The following XAB2 variants were observed in gnomAD, a reference collection of about 807,000 sequenced individuals.
XAB2 encodes the protein XPA binding protein 2.
XAB2 carries 57 observed loss-of-function variants against 113.4 expected under a neutral mutation model. That is an observed-to-expected ratio of 0.50 (90% confidence interval 0.41 to 0.63). The LOEUF (loss-of-function observed/expected upper bound fraction) is 0.63. Ranked by LOEUF, XAB2 falls within the 20% of genes least tolerant of loss-of-function variation. The pLI, the probability that XAB2 is intolerant of heterozygous loss-of-function variation, is 0.00. For synonymous variants in XAB2, 497 were observed against 498.8 expected, an observed-to-expected ratio of 1.00 and a Z score of 0.05; for missense variants, 1,037 against 1,233.3, an observed-to-expected ratio of 0.84 and a Z score of 2.38.
At position 7,628,170 on chromosome 19, in the gene XAB2, T is replaced by A; in HGVS notation, c.180A>T (p.Ala60=). Residue 60 remains alanine, a synonymous_variant, in exon 2 of 19, where the codon GCA becomes GCT. Transcript: ENST00000358368. This position sits in a 1 kb window ranked among gnomAD's most constrained non-coding sequence, Gnocchi z 4.6. ...KPRLNQLYER[A]LKLLPCSYKL... The stretch of plus-strand genomic sequence containing the variant: ...CCCACCTGCAGGGCAGCAGCTTGAG[T>A]GCCCGCTCGTATAGCTGATTGAGCC... 6.2e-7 allele frequency: 1 copy of A among 1,613,522 alleles called. No individual in the cohort carries two copies. Among genetic ancestry groups the A allele is most frequent in the South Asian group, 1.1e-5 (1 of 91,014 alleles).
rs2031189053 is a variant in XAB2 at position 7,628,432 on chromosome 19, CACCAGATGCCCAGGCACCAA to C, written c.52-154_52-135del. 2.8e-6 allele frequency: 3 copies of C among 1,080,724 alleles called. No individual in the cohort carries two copies. The highest frequency in any genetic ancestry group is 1.6e-5 in the African/African-American group (1 of 63,478). 66.9% of individuals were successfully genotyped at this position (1,080,724 alleles called of 1,614,324 possible). A position where few individuals can be genotyped will look rare whatever the true frequency, so the allele number is the denominator to read the frequency against. On this transcript the variant is annotated intron_variant, in intron 1 of 18. Transcript: ENST00000358368. The surrounding 1 kb of genome is among the most constrained non-coding windows in gnomAD (Gnocchi z 4.6). ...CCACCACCCACCAAGGAAGTCAGGT[CACCAGATGCCCAGGCACCAA>C]ACCAGATGCCCGACACCAAGACAGT...
chr19:7,624,501 C>T lies in XAB2; in HGVS notation c.823-56G>A. ...GGAAAGTGGCGCAGGGGACAGGCAG[C>T]AGCACTCTTAGCACCAGCCTCAATG... On this transcript the variant is annotated intron_variant, in intron 6 of 18. Transcript: ENST00000358368. The surrounding 1 kb of genome is among the most constrained non-coding windows in gnomAD (Gnocchi z 4.2). 1.2e-6 allele frequency: 2 copies of T among 1,610,050 alleles called. No individual in the cohort carries two copies. The highest frequency in any genetic ancestry group is 1.3e-5 in the African/African-American group (1 of 75,030).
At chr19:7,626,385 AG>A in intron 4 of XAB2, 115 bp from the exon 5 acceptor site, 1 of 1,460,746 alleles carries the variant, frequency 6.8e-7, no homozygotes, top group South Asian at 1.3e-5. Context: ...CTTGGGCAAA[AG>A]CAAGCCCTGT....
rs2031199255 is a variant in XAB2 at position 7,628,915 on chromosome 19, A to G, written c.51+562T>C. Among the ~76,000 whole-genome samples the G allele has an allele frequency of 6.6e-6, 1 of 152,230 alleles. No homozygotes were observed. Among genetic ancestry groups the G allele is most frequent in the South Asian group, 2.1e-4 (1 of 4,828 alleles). On this transcript the variant is annotated intron_variant, in intron 1 of 18. Coordinates refer to ENST00000358368, the MANE Select transcript of XAB2 (RefSeq NM_020196.3). The surrounding 1 kb of genome is among the most constrained non-coding windows in gnomAD (Gnocchi z 4.6). ...AGGAGGAGTTATACACCAGAAGCCA[A>G]GCCTTTAACTCTGCACACCAAGAAT...
chr19:7,619,966 C>A lies in XAB2; in HGVS notation c.2376G>T (p.Gln792His). The A allele has an allele frequency of 1.2e-6, 2 of 1,611,854 alleles. No homozygotes were observed. Among genetic ancestry groups the A allele is most frequent in the East Asian group, 2.2e-5 (1 of 44,886 alleles). Reference sequence around the variant, plus strand: ...CTCACCTCACGAACAGGATCTTGCTCTGGGCGCGCAAGGGCTGGTCACGCT... The same window carrying A: ...CTCACCTCACGAACAGGATCTTGCTATGGGCGCGCAAGGGCTGGTCACGCT... ...EAERDQPLRA[Q>H]SKILFVRSDA... Residue 792 changes from glutamine to histidine, a missense_variant, in exon 17 of 19, where the codon CAG becomes CAT. Gln to His is a conservative substitution (Grantham distance 24). Transcript: ENST00000358368.
chr19:7,626,340 C>T lies in XAB2; in HGVS notation c.523-70G>A, dbSNP rs1349550461. On this transcript the variant is annotated intron_variant, in intron 4 of 18. Transcript: ENST00000358368. ...CTACGCCCACCTCCCGATTCAGTGG[C>T]TTCGGGGCGTCCCCCCCCACCCATT... The T allele has an allele frequency of 2.7e-5, 43 of 1,566,184 alleles. 1 individual carries two copies. In the Admixed American group the frequency reaches 7.4e-4, roughly 27 times the overall value.
chr19:7,619,564 GGGGGGAT>G lies in XAB2; in HGVS notation c.*15_*21del, dbSNP rs143149642. On this transcript the variant is annotated 3_prime_UTR_variant, in exon 19 of 19. Transcript: ENST00000358368. The stretch of plus-strand genomic sequence containing the variant: ...AGCTGTATTGGGGAGGGGGTGGGGA[GGGGGGAT>G]GGGGGAGGGACGGGTCAGTCTTCCT... 325,198 of 1,513,986 alleles carry G rather than the reference GGGGGGAT, an allele frequency of 0.21. 36,257 individuals carry two copies. Among genetic ancestry groups the G allele is most frequent in the South Asian group, 0.26 (20,094 of 78,628 alleles). 93.8% of individuals were successfully genotyped at this position (1,513,986 alleles called of 1,614,324 possible).
Position 7,627,064 on chromosome 19 carries a change from G to T in XAB2, c.522+179C>A, listed in dbSNP as rs1232415842. Among the ~76,000 whole-genome samples the T allele has an allele frequency of 1.3e-5, 2 of 152,212 alleles. No homozygotes were observed. Among genetic ancestry groups the T allele is most frequent in the Non-Finnish European group, 2.9e-5 (2 of 68,046 alleles). ...CATCGCTATGCCTAATGTGAAACCA[G>T]TGTGAACAAACTATTTGGAAAATAA... On this transcript the variant is annotated intron_variant, in intron 4 of 18. Coordinates refer to ENST00000358368, the MANE Select transcript of XAB2 (RefSeq NM_020196.3). The surrounding 1 kb of genome is among the most constrained non-coding windows in gnomAD (Gnocchi z 4.5).
chr19:7,621,094 A>AACCCCCCCCCCC, intron 13 of XAB2, 41 bp downstream of exon 13: 7 of 1,494,456 alleles, frequency 4.7e-6, no homozygotes, highest in Middle Eastern at 2.3e-4. Flanking sequence ...TCAGAAACCC[A>AACCCCCCCCCCC]GCCCGCCCGC....
At chr19:7,622,301 G>A in intron 12 of XAB2, 30 bp downstream of exon 12, 1 of 1,610,316 alleles carries the variant, frequency 6.2e-7, no homozygotes, top group South Asian at 1.1e-5. Flanking sequence ...ACTGCCATCA[G>A]GGGCCTCTGG....
chr19:7,627,678 C>A lies in XAB2; in HGVS notation c.324+50G>T, dbSNP rs780306112. 3 of 1,607,572 alleles carry A rather than the reference C, an allele frequency of 1.9e-6. No homozygotes were observed. Among genetic ancestry groups the A allele is most frequent in the Admixed American group, 1.7e-5 (1 of 59,886 alleles). On this transcript the variant is annotated intron_variant, in intron 3 of 18. Transcript: ENST00000358368. This position sits in a 1 kb window ranked among gnomAD's most constrained non-coding sequence, Gnocchi z 4.5. ...GCCCCTGTCCCCGCCCCACCCACCACCATGGACTGAGCTCCACTTCCCGAT... is the reference window on the plus strand; with the variant it reads ...GCCCCTGTCCCCGCCCCACCCACCAACATGGACTGAGCTCCACTTCCCGAT...
In XAB2 at chr19:7,626,262, A is replaced by G; in HGVS notation, c.531T>C (p.Pro177=). 6.2e-7 allele frequency: 1 copy of G among 1,611,008 alleles called. No individual in the cohort carries two copies. The highest frequency in any genetic ancestry group is 8.5e-7 in the Non-Finnish European group (1 of 1,179,324). The change falls in exon 5 of 19, where the codon CCT becomes CCC. Residue 177 remains proline (P), a synonymous_variant. Transcript: ENST00000358368. ...RGYRRFLKLS[P]ESAEEYIEYL... is the part of the protein sequence containing the mutation. ...ACTCAATGTACTCCTCTGCACTCTCAGGACTCAGCTGGGGACCGAGCCACC... is the reference window on the plus strand; with the variant it reads ...ACTCAATGTACTCCTCTGCACTCTCGGGACTCAGCTGGGGACCGAGCCACC...
At chr19:7,621,847 A>G (rs1021794364) in intron 12 of XAB2, 4 of 189,934 alleles carry the variant, frequency 2.1e-5, no homozygotes, top group Non-Finnish European at 4.4e-5. Flanking sequence ...CACCCTCCCC[A>G]TGAGTCATGG....
chr19:7,623,862 G>A lies in XAB2; in HGVS notation c.988C>T (p.Arg330Cys), dbSNP rs1437692388. Residue 330 changes from arginine to cysteine, a missense_variant, in exon 8 of 19, where the codon CGC becomes TGC. Transcript: ENST00000358368. The surrounding 1 kb of genome is among the most constrained non-coding windows in gnomAD (Gnocchi z 4.6). Reference sequence around the variant, plus strand: ...ATGAGCTGCTCGAAGCGGGCCAGGCGCAGCTCCAGGTCCACATCATCTGGG... The same window carrying A: ...ATGAGCTGCTCGAAGCGGGCCAGGCACAGCTCCAGGTCCACATCATCTGGG... ...EEEDDVDLEL[R>C]LARFEQLISR... 20 of 1,595,020 alleles carry A rather than the reference G, an allele frequency of 1.3e-5. No homozygotes were observed. Among genetic ancestry groups the A allele is most frequent in the Non-Finnish European group, 1.7e-5 (20 of 1,173,336 alleles).
rs1362219940 is a variant in XAB2, at chr19:7,623,471, C to T, written c.1120-182G>A. Among the ~76,000 whole-genome samples, 1 of 149,890 alleles carries T rather than the reference C, an allele frequency of 6.7e-6. No individual in the cohort carries two copies. On this transcript the variant is annotated intron_variant, in intron 8 of 18. Transcript: ENST00000358368. The surrounding 1 kb of genome is among the most constrained non-coding windows in gnomAD (Gnocchi z 4.6). ...AAGAGAGAGCTGTGGCCCTAAGGGGCGGGGCCAGGAGAGAGCTGTGACCCT... is the reference window on the plus strand; with the variant it reads ...AAGAGAGAGCTGTGGCCCTAAGGGGTGGGGCCAGGAGAGAGCTGTGACCCT...
chr19:7,620,394 T>C lies in XAB2; in HGVS notation c.2147A>G (p.Asn716Ser), dbSNP rs201472859. 494 of 1,612,170 alleles carry C rather than the reference T, an allele frequency of 3.1e-4. 2 individuals are homozygous for C. Among genetic ancestry groups the C allele is most frequent in the Non-Finnish European group, 3.6e-5 (43 of 1,179,864 alleles). The change falls in exon 16 of 19, where the codon AAT becomes AGT. Residue 716 changes from asparagine (N) to serine (S), a missense_variant. Transcript: ENST00000358368. ...TWKDFEVRHG[N>S]EDTIKEMLRI... Reference sequence around the variant, plus strand: ...CAGCATTTCCTTGATGGTGTCCTCATTGCCATGCCGGACCTCAAAGTCCTT... The same window carrying C: ...CAGCATTTCCTTGATGGTGTCCTCACTGCCATGCCGGACCTCAAAGTCCTT...
In XAB2 at chr19:7,623,832, G is replaced by A. The variant is rs369075566; in HGVS notation, c.1018C>T (p.Arg340Trp). 3.0e-5 allele frequency: 49 copies of A among 1,609,932 alleles called. No individual in the cohort carries two copies. Among genetic ancestry groups the A allele is most frequent in the African/African-American group, 6.7e-5 (5 of 74,926 alleles). Residue 340 changes from arginine (R) to tryptophan (W), a missense_variant, in exon 8 of 19, where the codon CGG becomes TGG. Coordinates refer to ENST00000358368, the MANE Select transcript of XAB2 (RefSeq NM_020196.3). This position sits in a 1 kb window ranked among gnomAD's most constrained non-coding sequence, Gnocchi z 4.6. ...RLARFEQLIS[R>W]RPLLLNSVLL... is the part of the protein sequence containing the mutation. ...ACGCTGTTGAGGAGCAGGGGCCGCC[G>A]GCTGATGAGCTGCTCGAAGCGGGCC...
chr19:7,627,753 T>C lies in XAB2; in HGVS notation c.299A>G (p.Glu100Gly). The C allele has an allele frequency of 1.9e-6, 3 of 1,612,846 alleles. No homozygotes were observed. The highest frequency in any genetic ancestry group is 2.5e-6 in the Non-Finnish European group (3 of 1,179,406). ...CTTGTGCATGAACACAAAGGCCCTC[T>C]CATGACAGTTGTTGACATCTTCATA... ...PAYEDVNNCH[E>G]RAFVFMHKMP... Residue 100 changes from glutamate to glycine, a missense_variant, in exon 3 of 19, where the codon GAG becomes GGG. Physicochemically the swap from Glu to Gly is moderately conservative, Grantham distance 98 (BLOSUM62 -2). Coordinates refer to ENST00000358368, the MANE Select transcript of XAB2 (RefSeq NM_020196.3). The surrounding 1 kb of genome is among the most constrained non-coding windows in gnomAD (Gnocchi z 4.5).
At chr19:7,621,499 G>A (rs1489137754) in intron 12 of XAB2, 4 of 607,416 alleles carry the variant, frequency 6.6e-6, no homozygotes, top group Non-Finnish European at 5.8e-6. Flanking sequence ...CAAGAACAGG[G>A]GTGCAATGGG....
Sources: allele counts gnomAD v4.1 joint callset (sites outside exome capture counted in the v4.1 genomes callset), GRCh38; gene constraint gnomAD v4.1.1; non-coding constraint Gnocchi (gnomAD v3.1); transcripts MANE v1.5; gene names NCBI Gene and HGNC (gene_info 2026-07-23, HGNC 2026-07-21).